The following ANKRD29 variants were observed in gnomAD, a reference collection of about 807,000 sequenced individuals.
ANKRD29 encodes ankyrin repeat domain-containing protein 29.
ANKRD29 carries 32 observed loss-of-function variants against 38.0 expected under a neutral mutation model. That is an observed-to-expected ratio of 0.84 (90% confidence interval 0.64 to 1.13). The LOEUF (loss-of-function observed/expected upper bound fraction) is 1.13. Ranked by LOEUF, ANKRD29 falls within the 50% of genes most tolerant of loss-of-function variation. ANKRD29 has a pLI of 0.00. For missense variants in ANKRD29, 357 were observed against 377.9 expected (o/e 0.94, Z 0.46); for synonymous variants, 135 against 152.4 (o/e 0.89, Z 0.84).
Position 23,649,163 on chromosome 18 carries a change from A to G in ANKRD29, c.52T>C (p.Trp18Arg), listed in dbSNP as rs147525724. The change falls in exon 2 of 10, where the codon TGG (tryptophan) becomes CGG (arginine). Residue 18 changes from tryptophan (W) to arginine (R), a missense_variant. Coordinates refer to ENST00000592179, the MANE Select transcript of ANKRD29 (RefSeq NM_173505.4). Reference sequence around the variant, plus strand: ...GCCAGGTTTCCTCTCCTGGCTGCCCAGAATGCAGCATTGGCAAGTGGAGTT... The same window carrying G: ...GCCAGGTTTCCTCTCCTGGCTGCCCGGAATGCAGCATTGGCAAGTGGAGTT... Reference protein sequence around the residue: ...KETPLANAAFWAARRGNLALL... With the variant: ...KETPLANAAFRAARRGNLALL... 3.1e-6 allele frequency: 5 copies of G among 1,613,962 alleles called. No individual in the cohort carries two copies. In the African/African-American group the frequency reaches 6.7e-5, roughly 22 times the overall value.
At chr18:23,649,008 T>A (rs781497814) in intron 2 of ANKRD29, 75 bp downstream of exon 2, 4 of 1,173,146 alleles carry the variant, frequency 3.4e-6, no homozygotes, top group African/African-American at 3.1e-5. Flanking sequence ...TAAAGGGGAA[T>A]GTATTCCTGA....
chr18:23,602,521 C>T (rs2059527312), intron 9 of ANKRD29, among the ~76,000 whole-genome samples: 1 of 152,168 alleles, frequency 6.6e-6, no homozygotes, highest in Admixed American at 6.6e-5. Flanking sequence ...CCATTGACAA[C>T]AGGTGTGATG....
At chr18:23,611,833 T>C (rs2059645988) in intron 9 of ANKRD29, among the ~76,000 whole-genome samples, 1 of 151,972 alleles carries the variant, frequency 6.6e-6, no homozygotes, top group Non-Finnish European at 1.5e-5. Flanking sequence ...CAAAAATCTA[T>C]TGAAAGTCAG....
At chr18:23,616,285 C>T (rs2059716725) in intron 8 of ANKRD29, among the ~76,000 whole-genome samples, 1 of 148,708 alleles carries the variant, frequency 6.7e-6, no homozygotes, top group African/African-American at 2.5e-5. Context: ...TACTAATATG[C>T]CTCCTGGTCA....
intron 9 of ANKRD29, among the ~76,000 whole-genome samples, chr18:23,609,443 A>G (rs2059613232): frequency 6.6e-6 from 1 of 152,156 alleles, no homozygotes; most frequent in Non-Finnish European, 1.5e-5. Context: ...TACTGATTTG[A>G]GTAATAATAA....
intron 8 of ANKRD29, among the ~76,000 whole-genome samples, chr18:23,616,604 C>CTA (rs1164175762): frequency 2.3e-5 from 3 of 131,288 alleles, no homozygotes; most frequent in Admixed American, 7.8e-5. Context: ...ACTATATATA[C>CTA]TATATATATA....
intron 6 of ANKRD29, among the ~76,000 whole-genome samples, chr18:23,623,735 C>CG (rs2059824764): frequency 6.6e-6 from 1 of 151,968 alleles, no homozygotes; most frequent in Non-Finnish European, 1.5e-5. Context: ...CTCCGCCTCC[C>CG]GGGTTCACGC....
intron 6 of ANKRD29, among the ~76,000 whole-genome samples, chr18:23,629,451 C>A (rs1374974173): frequency 6.6e-6 from 1 of 152,174 alleles, no homozygotes; most frequent in African/African-American, 2.4e-5. Context: ...AAGTGGTGGG[C>A]AGGTAGTAAG....
chr18:23,634,224 C>G (rs1305053205), intron 4 of ANKRD29, 75 bp from the exon 5 acceptor site: 1 of 1,000,182 alleles, frequency 1.0e-6, no homozygotes, highest in Non-Finnish European at 1.5e-6. Context: ...TCCTCACATA[C>G]ATAGAATTTA....
chr18:23,619,341 C>T, intron 7 of ANKRD29, 190 bp downstream of exon 7: 1 of 601,868 alleles, frequency 1.7e-6, no homozygotes, highest in South Asian at 2.1e-5. Context: ...TCTAGTGCGT[C>T]CCAAGGTCAT....
intron 1 of ANKRD29, among the ~76,000 whole-genome samples, chr18:23,650,683 C>T (rs1043348931): frequency 6.6e-6 from 1 of 152,188 alleles, no homozygotes; most frequent in African/African-American, 2.4e-5. Flanking sequence ...TCAGTTTCCT[C>T]TTGCTTAGAT....
chr18:23,626,035 C>T (rs1439788244), intron 6 of ANKRD29, among the ~76,000 whole-genome samples: 1 of 152,206 alleles, frequency 6.6e-6, no homozygotes, highest in Admixed American at 6.5e-5. Context: ...GCAAACGAAA[C>T]AAGACAGAGT....
At chr18:23,661,634 G>A (rs530152899) in intron 1 of ANKRD29, among the ~76,000 whole-genome samples, 2 of 152,162 alleles carry the variant, frequency 1.3e-5, no homozygotes, top group Admixed American at 6.5e-5. Flanking sequence ...GCTTGAACCC[G>A]GGAGGCGGAA....
chr18:23,630,857 T>C (rs1036838849), intron 5 of ANKRD29, among the ~76,000 whole-genome samples: 1 of 150,230 alleles, frequency 6.7e-6, no homozygotes, highest in East Asian at 1.9e-4. Context: ...TCCCAGCTAC[T>C]TGGGGGCACT....
chr18:23,619,588 G>A lies in ANKRD29; in HGVS notation c.570C>T (p.His190=). The A allele has an allele frequency of 6.3e-7, 1 of 1,597,366 alleles. No homozygotes were observed. The highest frequency in any genetic ancestry group is 2.2e-5 in the East Asian group (1 of 44,614). Residue 190 remains histidine (H), a synonymous_variant, in exon 7 of 10, where the codon CAC becomes CAT. Transcript: ENST00000592179. ...APLWIASQMG[H]SEVVRVMLLR... The stretch of plus-strand genomic sequence containing the variant: ...GCAGCATCACCCGCACCACCTCGCT[G>A]TGGCCCATCTGGGACGCGATCCACA...
At chr18:23,646,031 C>T (rs368804771) in intron 3 of ANKRD29, among the ~76,000 whole-genome samples, 158 bp downstream of exon 3, 15 of 152,260 alleles carry the variant, frequency 9.9e-5, no homozygotes, top group Admixed American at 4.6e-4. Flanking sequence ...ACTGCTAGTA[C>T]GTTGCTGGAC....
chr18:23,611,094 T>A (rs1456284870), intron 9 of ANKRD29, among the ~76,000 whole-genome samples: 1 of 152,232 alleles, frequency 6.6e-6, no homozygotes, highest in African/African-American at 2.4e-5. Flanking sequence ...TTTAAAAAAA[T>A]TCTTATTGTG....
intron 5 of ANKRD29, among the ~76,000 whole-genome samples, chr18:23,632,514 A>AGTGTGT (rs545037817): frequency 1.5e-5 from 2 of 137,444 alleles, no homozygotes; most frequent in South Asian, 4.8e-4. Context: ...TTTCCTATTC[A>AGTGTGT]GTGTGTGTGT....
intron 5 of ANKRD29, among the ~76,000 whole-genome samples, chr18:23,630,268 T>C (rs1341205370): frequency 6.6e-6 from 1 of 151,988 alleles, no homozygotes; most frequent in East Asian, 1.9e-4. Flanking sequence ...CTACTAAAAA[T>C]ACAAAATAAT....
Sources: gnomAD v4.1 joint callset for allele counts (sites outside exome capture counted in the v4.1 genomes callset) on GRCh38, gnomAD v4.1.1 for gene constraint, MANE v1.5 for transcripts, NCBI Gene and HGNC (gene_info 2026-07-23, HGNC 2026-07-21) for gene names.